The following PRKG1 variants were observed in gnomAD, a reference collection of about 807,000 sequenced individuals.
The protein encoded by PRKG1 is protein kinase cGMP-dependent 1.
Under a neutral mutation model 88.1 loss-of-function variants are expected in PRKG1, and 35 were observed. The observed-to-expected ratio is 0.40, with a 90% CI of 0.30 to 0.53. The LOEUF is 0.53. PRKG1 is among the 20% of genes least tolerant of loss of function. The pLI, the probability that PRKG1 is intolerant of heterozygous loss-of-function variation, is 0.59. For synonymous variants in PRKG1, 303 were observed against 292.5 expected, an observed-to-expected ratio of 1.04 and a Z score of -0.37; for missense variants, 540 against 839.8, an observed-to-expected ratio of 0.64 and a Z score of 4.41.
chr10:51,173,039 A>G (rs1367328524), intron 2 of PRKG1, among the ~76,000 whole-genome samples: 1 of 152,000 alleles, frequency 6.6e-6, no homozygotes, highest in African/African-American at 2.4e-5. Context: ...CTACAACTCC[A>G]CAAATGATTT....
chr10:52,044,301 GGAA>G (rs1342773243), intron 5 of PRKG1, among the ~76,000 whole-genome samples: 1 of 152,102 alleles, frequency 6.6e-6, no homozygotes, highest in East Asian at 1.9e-4. Flanking sequence ...AGAAGATTGA[GGAA>G]GAAGATCAGA....
chr10:51,552,939 A>G (rs1837178610), intron 3 of PRKG1, among the ~76,000 whole-genome samples: 1 of 151,624 alleles, frequency 6.6e-6, no homozygotes, highest in East Asian at 1.9e-4. Flanking sequence ...ACTAGCTTAA[A>G]TCTATTGAGG....
chr10:52,064,105 C>T (rs975896458), intron 7 of PRKG1, among the ~76,000 whole-genome samples: 2 of 152,202 alleles, frequency 1.3e-5, no homozygotes, highest in African/African-American at 4.8e-5. Flanking sequence ...CACCACGTTT[C>T]TGCCCAGGAA....
intron 7 of PRKG1, among the ~76,000 whole-genome samples, chr10:52,088,145 A>T (rs1363502031): frequency 6.6e-6 from 1 of 152,126 alleles, no homozygotes; most frequent in Non-Finnish European, 1.5e-5. Context: ...TATGCATATT[A>T]CTTTTTAAGG....
intron 2 of PRKG1, among the ~76,000 whole-genome samples, chr10:51,393,022 CG>C (rs1228433247): frequency 4.6e-5 from 7 of 151,340 alleles, no homozygotes; most frequent in African/African-American, 1.7e-4. Flanking sequence ...ACTTCCCAGA[CG>C]GGGTGGTTGC....
rs145388323 is a variant in PRKG1, at chr10:51,285,617, C to A, written c.478+132287C>A. On this transcript the variant is annotated intron_variant, in intron 2 of 17. Coordinates refer to ENST00000373980, the MANE Select transcript of PRKG1 (RefSeq NM_006258.4). ...TGATTCTGTCCTGCAATGAGTGAGA[C>A]CAATAAGCTCTAGGAACTGAGATTC... Among the ~76,000 whole-genome samples, 614 of 152,180 alleles carry A rather than the reference C, an allele frequency of 4.0e-3. 5 individuals are homozygous for A. The highest frequency in any genetic ancestry group is 0.014 in the African/African-American group (591 of 41,518).
At chr10:51,334,284 T>G (rs542360464) in intron 2 of PRKG1, among the ~76,000 whole-genome samples, 1 of 151,968 alleles carries the variant, frequency 6.6e-6, no homozygotes, top group Admixed American at 6.6e-5. Flanking sequence ...AACTAAAATG[T>G]AAATTCTCCA....
At chr10:51,618,193 G>T (rs1488860564) in intron 3 of PRKG1, among the ~76,000 whole-genome samples, 1 of 152,178 alleles carries the variant, frequency 6.6e-6, no homozygotes, top group East Asian at 1.9e-4. Context: ...GGAGGCTGTA[G>T]AAAGCTTGTT....
In PRKG1 at chr10:51,684,015, C is replaced by T. The variant is rs1472106094; in HGVS notation, c.593-120570C>T. The stretch of plus-strand genomic sequence containing the variant: ...AACATAAAGTTCCTATATGATGTAG[C>T]AATTCTACTCCTAGGTATATACCCA... On this transcript the variant is annotated intron_variant, in intron 3 of 17. Transcript: ENST00000373980. Among the ~76,000 whole-genome samples, 3 of 152,154 alleles carry T rather than the reference C, an allele frequency of 2.0e-5. No homozygotes were observed. In the South Asian group the frequency reaches 6.2e-4, roughly 31 times the overall value.
At chr10:51,478,219 G>A (rs551442728) in intron 3 of PRKG1, among the ~76,000 whole-genome samples, 1 of 152,164 alleles carries the variant, frequency 6.6e-6, no homozygotes, top group South Asian at 2.1e-4. Context: ...TATTGAGCAT[G>A]CCTTTAAAAC....
intron 2 of PRKG1, among the ~76,000 whole-genome samples, chr10:51,448,919 G>C (rs530809330): frequency 6.6e-6 from 1 of 151,466 alleles, no homozygotes; most frequent in Non-Finnish European, 1.5e-5. Context: ...AGTATATTTT[G>C]TTTATTTTGA....
intron 5 of PRKG1, among the ~76,000 whole-genome samples, chr10:51,991,146 G>A (rs1844295361): frequency 6.6e-6 from 1 of 151,912 alleles, no homozygotes; most frequent in African/African-American, 2.4e-5. Flanking sequence ...TTTTCTATTG[G>A]TGTATAGAAA....
chr10:51,208,897 A>G lies in PRKG1; in HGVS notation c.478+55567A>G, dbSNP rs140509226. Among the ~76,000 whole-genome samples the G allele has an allele frequency of 3.4e-3, 511 of 152,306 alleles. No homozygotes were observed. The Middle Eastern group carries it at 0.051, about 15-fold the overall frequency. Reference sequence around the variant, plus strand: ...GAAGGGATTGTGTCTTCATTTTGACATTAAATGATGGACTTTCCCTTTTGT... The same window carrying G: ...GAAGGGATTGTGTCTTCATTTTGACGTTAAATGATGGACTTTCCCTTTTGT... On this transcript the variant is annotated intron_variant, in intron 2 of 17. Coordinates refer to ENST00000373980, the MANE Select transcript of PRKG1 (RefSeq NM_006258.4).
At chr10:51,766,716 C>A (rs1375022021) in intron 3 of PRKG1, among the ~76,000 whole-genome samples, 2 of 152,140 alleles carry the variant, frequency 1.3e-5, no homozygotes, top group Admixed American at 6.5e-5. Flanking sequence ...ACAACCTCAT[C>A]CAAACCTACT....
In PRKG1 at chr10:51,557,004, C is replaced by T. The variant is rs539584373; in HGVS notation, c.592+89168C>T. ...GTGTCTAATTTATCACTTTGACAGA[C>T]GGCTTTCTTTTGACTCTTCTTTTTC... On this transcript the variant is annotated intron_variant, in intron 3 of 17. Coordinates refer to ENST00000373980, the MANE Select transcript of PRKG1 (RefSeq NM_006258.4). Among the ~76,000 whole-genome samples, 8 of 152,030 alleles carry T rather than the reference C, an allele frequency of 5.3e-5. No individual in the cohort carries two copies. In the East Asian group the frequency reaches 5.8e-4, roughly 11 times the overall value.
At chr10:51,787,554 G>A (rs916206079) in intron 3 of PRKG1, among the ~76,000 whole-genome samples, 3 of 152,160 alleles carry the variant, frequency 2.0e-5, no homozygotes, top group Non-Finnish European at 1.5e-5. Context: ...AGCCTCAGTA[G>A]TGGCCAGGCT....
At chr10:51,591,018 A>C (rs7908596) in intron 3 of PRKG1, among the ~76,000 whole-genome samples, 1 of 152,180 alleles carries the variant, frequency 6.6e-6, no homozygotes, top group African/African-American at 2.4e-5. Flanking sequence ...TTCTAAATTC[A>C]GATGGTAAAT....
intron 5 of PRKG1, among the ~76,000 whole-genome samples, chr10:52,004,871 G>A (rs2133156838): frequency 6.6e-6 from 1 of 152,182 alleles, no homozygotes; most frequent in Admixed American, 6.5e-5. Context: ...AGGTTGCAGT[G>A]AGCTGTGATC....
chr10:52,294,236 A>C lies in PRKG1; in HGVS notation c.*336A>C. On this transcript the variant is annotated 3_prime_UTR_variant, in exon 18 of 18. Transcript: ENST00000373980. ...GTAGGAAACACTTCAATGTAGTATA[A>C]GAGTCTGTACCTTGCTGGAATATTC... 4.8e-6 allele frequency: 1 copy of C among 207,450 alleles called. No individual in the cohort carries two copies. The highest frequency in any genetic ancestry group is 9.7e-6 in the Non-Finnish European group (1 of 103,454). 12.9% of individuals were successfully genotyped at this position (207,450 alleles called of 1,614,324 possible). A position where few individuals can be genotyped will look rare whatever the true frequency, so the allele number is the denominator to read the frequency against.
Sources: allele counts gnomAD v4.1 joint callset (sites outside exome capture counted in the v4.1 genomes callset), GRCh38; gene constraint gnomAD v4.1.1; transcripts MANE v1.5; gene names NCBI Gene and HGNC (gene_info 2026-07-23, HGNC 2026-07-21).